Variants in RANBP3L observed in about 807,000 individuals in gnomAD.
RANBP3L encodes the protein RAN binding protein 3 like.
RANBP3L carries 56 observed loss-of-function variants against 67.2 expected under a neutral mutation model. The observed-to-expected ratio is 0.83, with a 90% CI of 0.67 to 1.04. RANBP3L has a LOEUF of 1.04. Ranked by LOEUF, RANBP3L falls within the 50% of genes least tolerant of loss-of-function variation. The probability of loss-of-function intolerance (pLI) is 0.00; values close to 1 mark genes in which losing one functional copy is unlikely to be tolerated. For synonymous variants in RANBP3L, 164 were observed against 181.4 expected (o/e 0.90, Z 0.77); for missense variants, 496 against 535.5 (o/e 0.93, Z 0.73).
chr5:36,255,584 AG>A lies in RANBP3L; in HGVS notation c.909del (p.Cys304AlafsTer21). The part of the protein sequence containing the change: ...EETEHNVLKI[N>X]CKLFIFNKTT... ...GTTTTGTTGAATATGAAAAGCTTGC[AG>A]TTTATCTAAATGACAATTTTTTAAA... On this transcript the variant is annotated frameshift_variant, in exon 11 of 14. Coordinates refer to ENST00000296604, the MANE Select transcript of RANBP3L (RefSeq NM_145000.5). LOFTEE classifies it high-confidence loss of function. 6.2e-7 allele frequency: 1 copy of A among 1,600,900 alleles called. No homozygotes were observed. Among genetic ancestry groups the A allele is most frequent in the Non-Finnish European group, 8.5e-7 (1 of 1,174,482 alleles).
chr5:36,270,090 A>AAATTGCAAAAGT, intron 2 of RANBP3L, 100 bp from the exon 3 acceptor site: 4 of 995,902 alleles, frequency 4.0e-6, no homozygotes, highest in Non-Finnish European at 6.5e-6. Flanking sequence ...GTAATGGCAA[A>AAATTGCAAAAGT]AATTGCAATT....
chr5:36,287,509 T>G (rs1040214215), intron 1 of RANBP3L, among the ~76,000 whole-genome samples: 4 of 152,184 alleles, frequency 2.6e-5, no homozygotes. Context: ...AAAATATTCA[T>G]GAAGTAGTCC....
At chr5:36,288,607 G>T (rs933011138) in intron 1 of RANBP3L, among the ~76,000 whole-genome samples, 1 of 152,118 alleles carries the variant, frequency 6.6e-6, no homozygotes, top group Non-Finnish European at 1.5e-5. Context: ...GTGAGTTCTG[G>T]TTGTTTCACA....
intron 1 of RANBP3L, among the ~76,000 whole-genome samples, chr5:36,276,261 T>C (rs570050733): frequency 6.6e-6 from 1 of 152,292 alleles, no homozygotes; most frequent in East Asian, 1.9e-4. Flanking sequence ...CCTTCACCTT[T>C]ACTCAAAACA....
chr5:36,300,932 T>A (rs1197999553), intron 1 of RANBP3L, among the ~76,000 whole-genome samples: 2 of 152,160 alleles, frequency 1.3e-5, no homozygotes, highest in Non-Finnish European at 2.9e-5. Flanking sequence ...AAACTTAGGC[T>A]TAAACAAAGT....
chr5:36,286,806 T>G (rs1579766686), intron 1 of RANBP3L, among the ~76,000 whole-genome samples: 1 of 152,202 alleles, frequency 6.6e-6, no homozygotes, highest in South Asian at 2.1e-4. Flanking sequence ...CTACCTGGAC[T>G]GCTCTTCCCC....
chr5:36,278,181 C>A (rs575097998), intron 1 of RANBP3L, among the ~76,000 whole-genome samples: 247 of 152,230 alleles, frequency 1.6e-3, no homozygotes, highest in African/African-American at 5.8e-3. Context: ...CCCCAAAAGT[C>A]TTTCTTTTTC....
At position 36,301,431 on chromosome 5, in the gene RANBP3L, G is replaced by T; in HGVS notation, c.-15C>A. ...ATGGTAGTCATGGTCCTAGCAGTATGGCTGTGACTCAAGGATCACTAGGGC... is the reference window on the plus strand; with the variant it reads ...ATGGTAGTCATGGTCCTAGCAGTATTGCTGTGACTCAAGGATCACTAGGGC... On this transcript the variant is annotated 5_prime_UTR_variant, in exon 1 of 14. Transcript: ENST00000296604. The T allele has an allele frequency of 6.2e-7, 1 of 1,607,702 alleles. No individual in the cohort carries two copies. The highest frequency in any genetic ancestry group is 8.5e-7 in the Non-Finnish European group (1 of 1,175,622).
intron 1 of RANBP3L, among the ~76,000 whole-genome samples, chr5:36,291,022 G>A (rs1751711706): frequency 6.6e-6 from 1 of 151,644 alleles, no homozygotes; most frequent in South Asian, 2.1e-4. Flanking sequence ...GGGATTACAG[G>A]CGTGAGCCAC....
rs181888357 is a variant in RANBP3L at position 36,269,873 on chromosome 5, C to A, written c.190+78G>T. Reference sequence around the variant, plus strand: ...AACATTAACTTTCACATAGTCTGTGCCACATGCCAAAATACTTGTGTCTGC... The same window carrying A: ...AACATTAACTTTCACATAGTCTGTGACACATGCCAAAATACTTGTGTCTGC... On this transcript the variant is annotated intron_variant, in intron 3 of 13. Coordinates refer to ENST00000296604, the MANE Select transcript of RANBP3L (RefSeq NM_145000.5). 55 of 1,160,280 alleles carry A rather than the reference C, an allele frequency of 4.7e-5. 1 individual carries two copies. In the East Asian group the frequency reaches 1.3e-3, roughly 27 times the overall value. 71.9% of individuals were successfully genotyped at this position (1,160,280 alleles called of 1,614,324 possible).
rs1205150669 is a variant in RANBP3L, at chr5:36,292,691, G to T, written c.91+8635C>A. Among the ~76,000 whole-genome samples the T allele has an allele frequency of 4.6e-5, 7 of 151,834 alleles. No homozygotes were observed. In the East Asian group the frequency reaches 1.2e-3, roughly 25 times the overall value. On this transcript the variant is annotated intron_variant, in intron 1 of 13. Transcript: ENST00000296604. ...CCCATTGCTTGTTTTTCTCAGGTTT[G>T]TCAAAGATCAGATAGTTGTAGATAT...
intron 1 of RANBP3L, among the ~76,000 whole-genome samples, chr5:36,295,673 G>GTTTT (rs11318481): frequency 2.5e-5 from 3 of 120,554 alleles, no homozygotes; most frequent in Non-Finnish European, 3.5e-5. Flanking sequence ...GTTATATCCT[G>GTTTT]TTTTTTTTTT....
intron 2 of RANBP3L, 30 bp from the exon 3 acceptor site, chr5:36,270,020 C>A: frequency 6.2e-7 from 1 of 1,601,952 alleles, no homozygotes; most frequent in Non-Finnish European, 8.6e-7. Flanking sequence ...CTGAGGAGAG[C>A]TGAGTATTTG....
intron 1 of RANBP3L, among the ~76,000 whole-genome samples, chr5:36,277,909 C>A (rs959843228): frequency 3.9e-5 from 6 of 152,132 alleles, no homozygotes; most frequent in African/African-American, 1.4e-4. Flanking sequence ...ATCTTACATG[C>A]AGGCAGACAA....
At chr5:36,272,342 AACTTTTCTCAGTAT>A (rs1750278273) in intron 1 of RANBP3L, among the ~76,000 whole-genome samples, 1 of 152,238 alleles carries the variant, frequency 6.6e-6, no homozygotes, top group Non-Finnish European at 1.5e-5. Context: ...AAGACCTCAG[AACTTTTCTCAGTAT>A]AGCAACCATT....
chr5:36,271,838 G>A (rs759373796), intron 1 of RANBP3L, among the ~76,000 whole-genome samples: 1 of 152,092 alleles, frequency 6.6e-6, no homozygotes, highest in African/African-American at 2.4e-5. Flanking sequence ...GTCTTACACA[G>A]TGTTATAAAG....
At chr5:36,291,015 A>T (rs1751711215) in intron 1 of RANBP3L, among the ~76,000 whole-genome samples, 1 of 150,674 alleles carries the variant, frequency 6.6e-6, no homozygotes, top group Admixed American at 6.7e-5. Flanking sequence ...AAGTGCTGGG[A>T]TTACAGGCGT....
At chr5:36,273,854 G>A (rs562666447) in intron 1 of RANBP3L, among the ~76,000 whole-genome samples, 10 of 152,190 alleles carry the variant, frequency 6.6e-5, no homozygotes, top group Admixed American at 5.9e-4. Flanking sequence ...ATTAAGTTTA[G>A]CCTAAAGCTA....
rs576759561 is a variant in RANBP3L at position 36,264,601 on chromosome 5, T to C, written c.480+358A>G. 2.8e-3 allele frequency among the ~76,000 whole-genome samples: 420 copies of C among 152,316 alleles called. 2 individuals are homozygous for C. Among genetic ancestry groups the C allele is most frequent in the African/African-American group, 9.8e-3 (407 of 41,568 alleles). ...AACTGGCAACGATACACTGTGATGT[T>C]GACCAGTTGGCGATGTAGAGAAAAT... On this transcript the variant is annotated intron_variant, in intron 6 of 13. Transcript: ENST00000296604.
Sources: allele counts gnomAD v4.1 joint callset (sites outside exome capture counted in the v4.1 genomes callset), GRCh38; gene constraint gnomAD v4.1.1; transcripts MANE v1.5; gene names NCBI Gene and HGNC (gene_info 2026-07-23, HGNC 2026-07-21).